Variants in DLGAP4 observed in about 807,000 individuals in gnomAD.
The protein encoded by DLGAP4 is DLG associated protein 4.
In DLGAP4, 18 loss-of-function variants were observed where a neutral mutation model predicts 86.9. That is an observed-to-expected ratio of 0.21 (90% CI 0.14 to 0.31). The LOEUF (loss-of-function observed/expected upper bound fraction) is 0.31. Among genes scored for constraint, DLGAP4 ranks in the 10% least tolerant of loss-of-function variants. DLGAP4 has a pLI of 1.00. For synonymous variants in DLGAP4, 548 were observed against 574.3 expected (o/e 0.95, Z 0.65); for missense variants, 1,085 against 1,362.6 (o/e 0.80, Z 3.21).
chr20:36,468,645 C>T (rs946001094), intron 7 of DLGAP4, among the ~76,000 whole-genome samples: 13 of 152,264 alleles, frequency 8.5e-5, no homozygotes, highest in Non-Finnish European at 4.4e-5. Context: ...CCCTTGCCTC[C>T]AGCAAACACC....
chr20:36,396,358 A>G (rs1039058202), intron 2 of DLGAP4, among the ~76,000 whole-genome samples: 741 of 27,002 alleles, frequency 0.027, 14 homozygotes, highest in Middle Eastern at 0.04. Flanking sequence ...CACACATACC[A>G]CACGCACATA....
At chr20:36,449,642 C>T (rs572043797) in intron 7 of DLGAP4, among the ~76,000 whole-genome samples, 2 of 152,110 alleles carry the variant, frequency 1.3e-5, no homozygotes, top group Admixed American at 6.5e-5. Flanking sequence ...CACACCCATG[C>T]GAAGTTCTCT....
chr20:36,327,064 A>T (rs1026459120), intron 1 of DLGAP4, among the ~76,000 whole-genome samples: 4 of 126,530 alleles, frequency 3.2e-5, no homozygotes, highest in Admixed American at 1.0e-4. Context: ...CAGTAGTGTG[A>T]TCTCAGCTCA....
chr20:36,458,468 C>A (rs2033939445), intron 7 of DLGAP4, among the ~76,000 whole-genome samples: 1 of 147,318 alleles, frequency 6.8e-6, no homozygotes, highest in Non-Finnish European at 1.5e-5. Context: ...CTCAGGTGAT[C>A]CACCCGCCTC....
rs568150879 is a variant in DLGAP4, at chr20:36,462,649, C to G, written c.1648+15712C>G. The G allele has an allele frequency of 1.7e-4, 269 of 1,556,722 alleles. 3 individuals are homozygous for G. In the Admixed American group the frequency reaches 5.3e-3, roughly 30 times the overall value. ...GGCCGGAGTTGGCCCGCAGGCTGGC[C>G]GCGGCCGAGGCTCCATGGGGTTGGC... is the stretch of plus-strand genomic sequence containing the variant. On this transcript the variant is annotated intron_variant, in intron 7 of 12. Coordinates refer to ENST00000339266, the MANE Select transcript of DLGAP4 (RefSeq NM_001365621.2).
At chr20:36,404,853 C>G (rs934525218) in intron 2 of DLGAP4, among the ~76,000 whole-genome samples, 5 of 152,232 alleles carry the variant, frequency 3.3e-5, no homozygotes, top group African/African-American at 4.8e-5. Context: ...CATGGGGACC[C>G]TCATTCCAGT....
In DLGAP4 at chr20:36,501,508, A is replaced by G. The variant is rs893208624; in HGVS notation, c.2512+897A>G. Among the ~76,000 whole-genome samples, 3 of 152,378 alleles carry G rather than the reference A, an allele frequency of 2.0e-5. No homozygotes were observed. The South Asian group carries it at 6.2e-4, about 32-fold the overall frequency. ...CAATTTCCAAAAATTCCCTTGAGAA[A>G]TTAGTTCAAGAAAGTGCTAGACACG... On this transcript the variant is annotated intron_variant, in intron 10 of 12. Transcript: ENST00000339266.
intron 10 of DLGAP4, among the ~76,000 whole-genome samples, chr20:36,519,577 A>AGT (rs1184465272): frequency 1.3e-5 from 2 of 152,152 alleles, no homozygotes; most frequent in Non-Finnish European, 2.9e-5. Flanking sequence ...TATCTGTTTA[A>AGT]GTCTGTTTTC....
intron 1 of DLGAP4, among the ~76,000 whole-genome samples, chr20:36,313,609 G>A (rs906233666): frequency 1.3e-5 from 2 of 152,196 alleles, no homozygotes; most frequent in Admixed American, 1.3e-4. Context: ...GCTGCTGGGG[G>A]GGCAGGGCCG....
At chr20:36,516,171 A>G (rs1303918660) in intron 10 of DLGAP4, among the ~76,000 whole-genome samples, 9 of 152,214 alleles carry the variant, frequency 5.9e-5, no homozygotes, top group Admixed American at 5.9e-4. Context: ...GAAATGCTTG[A>G]TTCCAGGCTA....
At chr20:36,372,743 C>T (rs753973167) in intron 2 of DLGAP4, among the ~76,000 whole-genome samples, 3 of 152,146 alleles carry the variant, frequency 2.0e-5, no homozygotes, top group Non-Finnish European at 4.4e-5. Context: ...AAATTAGAAA[C>T]GACCCAATTC....
intron 1 of DLGAP4, among the ~76,000 whole-genome samples, chr20:36,325,110 C>G (rs539520165): frequency 1.3e-5 from 2 of 152,166 alleles, no homozygotes; most frequent in East Asian, 1.9e-4. Context: ...AAAGTTTCCT[C>G]TAAGTACTGC....
intron 10 of DLGAP4, among the ~76,000 whole-genome samples, chr20:36,519,983 A>G (rs1240298361): frequency 6.6e-6 from 1 of 150,744 alleles, no homozygotes; most frequent in African/African-American, 2.4e-5. Context: ...TTTGGTAGAG[A>G]AGAGGTCTCA....
At chr20:36,317,227 CTTTCTTTCTT>C (rs2065110260) in intron 1 of DLGAP4, among the ~76,000 whole-genome samples, 1 of 19,948 alleles carries the variant, frequency 5.0e-5, no homozygotes, top group South Asian at 1.3e-3. Flanking sequence ...CTCCTTTTTT[CTTTCTTTCTT>C]TCTTTCTTTC....
chr20:36,457,412 A>C, intron 7 of DLGAP4, among the ~76,000 whole-genome samples: 1 of 130,372 alleles, frequency 7.7e-6, no homozygotes. Context: ...TTTTTGAGAC[A>C]AAGTCTCACT....
chr20:36,420,345 G>A (rs990101683), intron 2 of DLGAP4, among the ~76,000 whole-genome samples: 4 of 152,188 alleles, frequency 2.6e-5, no homozygotes, highest in Non-Finnish European at 5.9e-5. Flanking sequence ...GTGTGGTCAG[G>A]GATCGCCTCT....
At chr20:36,371,629 A>G (rs974032013) in intron 2 of DLGAP4, among the ~76,000 whole-genome samples, 2 of 152,176 alleles carry the variant, frequency 1.3e-5, no homozygotes, top group East Asian at 3.9e-4. Context: ...GTCCATCACC[A>G]CGGGACCAGT....
At chr20:36,363,336 G>A (rs1198501969) in intron 1 of DLGAP4, among the ~76,000 whole-genome samples, 2 of 152,186 alleles carry the variant, frequency 1.3e-5, no homozygotes, top group African/African-American at 4.8e-5. Context: ...GGGGAGTGTG[G>A]AGCTGAATAC....
intron 1 of DLGAP4, among the ~76,000 whole-genome samples, chr20:36,337,011 G>A (rs1048534161): frequency 2.0e-5 from 3 of 152,176 alleles, no homozygotes; most frequent in South Asian, 2.1e-4. Context: ...CAGATACGGC[G>A]GAGGAAGGCG....
Sources: gnomAD v4.1 joint callset for allele counts (sites outside exome capture counted in the v4.1 genomes callset) on GRCh38, gnomAD v4.1.1 for gene constraint, MANE v1.5 for transcripts, NCBI Gene and HGNC (gene_info 2026-07-23, HGNC 2026-07-21) for gene names.